The following PACRG variants were observed in gnomAD, a reference collection of about 807,000 sequenced individuals.
The protein encoded by PACRG is parkin coregulated gene protein.
Under a neutral mutation model 29.7 loss-of-function variants are expected in PACRG, and 29 were observed. The ratio of observed to expected loss-of-function variants is 0.98; its 90% CI spans 0.73 to 1.33. PACRG has a LOEUF of 1.33. Ranked by LOEUF, PACRG falls within the 40% of genes most tolerant of loss-of-function variation. The pLI, the probability that PACRG is intolerant of heterozygous loss-of-function variation, is 0.00. For missense variants in PACRG, 279 were observed against 316.2 expected (o/e 0.88, Z 0.89); for synonymous variants, 116 against 118.7 (o/e 0.98, Z 0.15).
chr6:162,895,296 A>C (rs1194433069), intron 2 of PACRG, among the ~76,000 whole-genome samples: 3 of 150,562 alleles, frequency 2.0e-5, no homozygotes, highest in Non-Finnish European at 4.4e-5. Flanking sequence ...AAAAAATACA[A>C]CTTCAAATGA....
chr6:162,741,525 C>A (rs1370066420), intron 1 of PACRG, among the ~76,000 whole-genome samples: 2 of 152,174 alleles, frequency 1.3e-5, no homozygotes, highest in Non-Finnish European at 2.9e-5. Context: ...CTCTCTCTCT[C>A]TCTCTCTTTC....
At chr6:163,235,506 G>T (rs1782200699) in intron 4 of PACRG, among the ~76,000 whole-genome samples, 1 of 152,112 alleles carries the variant, frequency 6.6e-6, no homozygotes, top group Non-Finnish European at 1.5e-5. Context: ...TGAAATATCT[G>T]CTTCCAAATT....
chr6:162,936,365 C>T (rs1798233816), intron 2 of PACRG, among the ~76,000 whole-genome samples: 1 of 152,158 alleles, frequency 6.6e-6, no homozygotes, highest in Non-Finnish European at 1.5e-5. Context: ...ATCTCAAGCT[C>T]AATTTTGTTT....
At chr6:163,255,197 T>C (rs1783059477) in intron 4 of PACRG, among the ~76,000 whole-genome samples, 1 of 152,182 alleles carries the variant, frequency 6.6e-6, no homozygotes. Context: ...CATAGAATTG[T>C]TGGTGTCACC....
chr6:162,957,302 C>A, intron 2 of PACRG: 1 of 578,460 alleles, frequency 1.7e-6, no homozygotes, highest in South Asian at 1.7e-5. Flanking sequence ...ATAAAGAAAG[C>A]ACGCTTGATC....
At chr6:163,034,884 G>A (rs1486031668) in intron 2 of PACRG, among the ~76,000 whole-genome samples, 3 of 152,208 alleles carry the variant, frequency 2.0e-5, no homozygotes, top group African/African-American at 7.2e-5. Context: ...AGAAAGTAAA[G>A]GAATAAAGAA....
At chr6:162,889,628 A>G (rs1387115008) in intron 2 of PACRG, among the ~76,000 whole-genome samples, 1 of 152,168 alleles carries the variant, frequency 6.6e-6, no homozygotes, top group East Asian at 1.9e-4. Flanking sequence ...GTTCTCTTGT[A>G]TACTTGTGTT....
chr6:163,228,480 C>A (rs1377004747), intron 4 of PACRG, among the ~76,000 whole-genome samples: 2 of 150,154 alleles, frequency 1.3e-5, no homozygotes, highest in East Asian at 2.0e-4. Flanking sequence ...TTCATTAATT[C>A]ATTCAAAATT....
intron 4 of PACRG, among the ~76,000 whole-genome samples, chr6:163,276,740 T>C (rs1337966944): frequency 6.6e-6 from 1 of 152,198 alleles, no homozygotes; most frequent in Admixed American, 6.5e-5. Flanking sequence ...GAGCCCTTTT[T>C]GCACTTTCAC....
At chr6:163,147,309 A>T (rs897563473) in intron 4 of PACRG, among the ~76,000 whole-genome samples, 1 of 152,262 alleles carries the variant, frequency 6.6e-6, no homozygotes, top group Non-Finnish European at 1.5e-5. Context: ...ATATAGAAAA[A>T]TGAAAATGTA....
At chr6:163,245,139 C>G (rs1284598437) in intron 4 of PACRG, 3 of 408,932 alleles carry the variant, frequency 7.3e-6, no homozygotes, top group Non-Finnish European at 1.5e-5. Context: ...GTAATTAATT[C>G]CAAACTAAAT....
At chr6:162,901,202 C>T (rs1795537312) in intron 2 of PACRG, among the ~76,000 whole-genome samples, 1 of 152,236 alleles carries the variant, frequency 6.6e-6, no homozygotes, top group African/African-American at 2.4e-5. Flanking sequence ...GAGATGGAAC[C>T]GACTAAGAGT....
intron 2 of PACRG, among the ~76,000 whole-genome samples, chr6:162,847,102 C>A (rs1308135780): frequency 3.3e-5 from 5 of 151,228 alleles, no homozygotes; most frequent in African/African-American, 1.2e-4. Context: ...GTGCTCCCCA[C>A]ACTGTCCACT....
chr6:163,187,521 C>A lies in PACRG; in HGVS notation c.613+98113C>A, dbSNP rs1219466695. Among the ~76,000 whole-genome samples, 7 of 152,316 alleles carry A rather than the reference C, an allele frequency of 4.6e-5. No individual in the cohort carries two copies. The South Asian group carries it at 8.3e-4, about 18-fold the overall frequency. On this transcript the variant is annotated intron_variant, in intron 4 of 4. Transcript: ENST00000366888. Reference sequence around the variant, plus strand: ...CCCAGACTTCATCATGGTGCTGCAACGTTGACAGCCCCGTCACCTGCAGAA... The same window carrying A: ...CCCAGACTTCATCATGGTGCTGCAAAGTTGACAGCCCCGTCACCTGCAGAA...
chr6:163,261,420 A>C (rs1783321612), intron 4 of PACRG, among the ~76,000 whole-genome samples: 1 of 149,224 alleles, frequency 6.7e-6, no homozygotes. Context: ...CTTGCCCCCC[A>C]CCCCCTGAGG....
chr6:163,070,407 G>A (rs982903399), intron 3 of PACRG, among the ~76,000 whole-genome samples: 1 of 151,788 alleles, frequency 6.6e-6, no homozygotes, highest in African/African-American at 2.4e-5. Context: ...AAAAGCAGGG[G>A]GACAAAGTTA....
At chr6:163,114,412 C>T (rs556196084) in intron 4 of PACRG, among the ~76,000 whole-genome samples, 13 of 152,022 alleles carry the variant, frequency 8.6e-5, no homozygotes, top group African/African-American at 3.1e-4. Flanking sequence ...AAGAAAATAG[C>T]TATAGAATAT....
At chr6:163,267,436 T>C (rs1464132450) in intron 4 of PACRG, among the ~76,000 whole-genome samples, 2 of 152,346 alleles carry the variant, frequency 1.3e-5, no homozygotes, top group South Asian at 4.1e-4. Flanking sequence ...TTTTCTAAAG[T>C]ACTTTTAAGA....
chr6:163,019,205 G>A (rs1489478146), intron 2 of PACRG, among the ~76,000 whole-genome samples: 2 of 152,106 alleles, frequency 1.3e-5, no homozygotes, highest in Non-Finnish European at 2.9e-5. Context: ...TAATAATTTT[G>A]TAAGGGATTT....
Sources: gnomAD v4.1 joint callset for allele counts (sites outside exome capture counted in the v4.1 genomes callset) on GRCh38, gnomAD v4.1.1 for gene constraint, MANE v1.5 for transcripts, NCBI Gene and HGNC (gene_info 2026-07-23, HGNC 2026-07-21) for gene names.